Variants in TENM2 observed in about 807,000 individuals in gnomAD.
TENM2 encodes teneurin transmembrane protein 2, also known as teneurin-2.
A neutral mutation model predicts 245.2 loss-of-function variants in TENM2; 52 were observed. The observed-to-expected ratio is 0.21, with a 90% CI of 0.17 to 0.27. The LOEUF is 0.27. TENM2 is among the 10% of genes least tolerant of loss of function. The pLI is 1.00. For missense variants in TENM2, 3,046 were observed against 3,666.8 expected, an observed-to-expected ratio of 0.83 and a Z score of 4.37; for synonymous variants, 1,363 against 1,438.9, an observed-to-expected ratio of 0.95 and a Z score of 1.19.
intron 1 of TENM2, among the ~76,000 whole-genome samples, chr5:167,344,881 T>C (rs1758362918): frequency 1.3e-5 from 2 of 151,952 alleles, no homozygotes; most frequent in Admixed American, 1.3e-4. Flanking sequence ...TATCTGAAGG[T>C]GAAGGTGGGT....
At chr5:167,520,968 C>T (rs1408243888) in intron 2 of TENM2, among the ~76,000 whole-genome samples, 58 of 146,242 alleles carry the variant, frequency 4.0e-4, no homozygotes, top group Admixed American at 1.9e-3. Context: ...GTCATGTTTA[C>T]CACAAACTGC....
At chr5:167,666,981 C>T (rs546062757) in intron 2 of TENM2, among the ~76,000 whole-genome samples, 40 of 152,210 alleles carry the variant, frequency 2.6e-4, no homozygotes, top group Middle Eastern at 3.4e-3. Context: ...CTAGGACAAT[C>T]CTAGGCAAAC....
intron 12 of TENM2, among the ~76,000 whole-genome samples, chr5:168,132,033 C>G (rs1278589443): frequency 1.3e-5 from 2 of 151,890 alleles, no homozygotes; most frequent in African/African-American, 2.4e-5. Flanking sequence ...CCCCCACCAC[C>G]CCCCTATAAT....
chr5:167,945,559 G>A (rs935466335), intron 3 of TENM2, among the ~76,000 whole-genome samples: 11 of 152,134 alleles, frequency 7.2e-5, no homozygotes, highest in African/African-American at 2.4e-4. Context: ...TGTCCCTGCC[G>A]ACCCTAGTCC....
chr5:167,299,552 C>T (rs1278680888), intron 1 of TENM2, among the ~76,000 whole-genome samples: 6 of 152,136 alleles, frequency 3.9e-5, no homozygotes, highest in Admixed American at 3.9e-4. Flanking sequence ...AAGTTATTTC[C>T]TTGAGGATAG....
exon 29 of TENM2, chr5:168,262,260 A>G (rs748640087): frequency 3.1e-6 from 5 of 1,607,396 alleles, no homozygotes; most frequent in East Asian, 2.2e-5. Context: ...GCCAGCGAAG[A>G]TAGCCGCAAG....
intron 2 of TENM2, among the ~76,000 whole-genome samples, chr5:167,379,416 T>G (rs1051522938): frequency 4.6e-5 from 7 of 152,114 alleles, no homozygotes; most frequent in Non-Finnish European, 1.0e-4. Context: ...TGTCCTTAGA[T>G]TGTTACTGCC....
the TENM2 span, among the ~76,000 whole-genome samples, chr5:167,217,851 A>G: frequency 6.7e-6 from 1 of 150,024 alleles, no homozygotes; most frequent in Non-Finnish European, 1.5e-5. Flanking sequence ...GCCGACTATG[A>G]GACGAAACAG....
rs185190814 is a variant in TENM2 at position 168,010,761 on chromosome 5, T to G, written c.1186+17579T>G. Among the ~76,000 whole-genome samples, 10 of 152,382 alleles carry G rather than the reference T, an allele frequency of 6.6e-5. No homozygotes were observed. In the East Asian group the frequency reaches 1.9e-3, roughly 29 times the overall value. The stretch of plus-strand genomic sequence containing the variant: ...ACTCCTATTCTGCAGCTACGCTGAT[T>G]AGCAGATCTTTTATAGTTTCCGTGT... On this transcript the variant is annotated intron_variant, in intron 5 of 28. Transcript: ENST00000518659.
At chr5:167,583,116 G>A (rs1229703300) in intron 2 of TENM2, among the ~76,000 whole-genome samples, 1 of 152,286 alleles carries the variant, frequency 6.6e-6, no homozygotes, top group Non-Finnish European at 1.5e-5. Flanking sequence ...TAGTGGAGTT[G>A]TCCGTGACTC....
the TENM2 span, among the ~76,000 whole-genome samples, chr5:167,146,881 T>A: frequency 6.6e-6 from 1 of 152,178 alleles, no homozygotes; most frequent in African/African-American, 2.4e-5. Flanking sequence ...TTAAAAAAAA[T>A]GAAACAATCA....
At chr5:168,024,086 GAAGT>G (rs1386054866) in intron 5 of TENM2, among the ~76,000 whole-genome samples, 1 of 152,140 alleles carries the variant, frequency 6.6e-6, no homozygotes, top group African/African-American at 2.4e-5. Flanking sequence ...CCAAATTCAA[GAAGT>G]ATGTCTTATT....
At chr5:167,057,224 T>G in the TENM2 span, among the ~76,000 whole-genome samples, 2 of 152,176 alleles carry the variant, frequency 1.3e-5, no homozygotes, top group East Asian at 3.9e-4. Flanking sequence ...TTACATCATT[T>G]ATCTATTTTT....
chr5:168,065,120 T>G lies in TENM2; in HGVS notation c.1515+2855T>G, dbSNP rs566479525. 2.0e-5 allele frequency among the ~76,000 whole-genome samples: 3 copies of G among 152,114 alleles called. No homozygotes were observed. In the East Asian group the frequency reaches 5.8e-4, roughly 29 times the overall value. ...TCATTTGAGCTGGAAAAAGAGAAAG[T>G]GAAAGAGGTGGGGTGGGGGTAGAAT... On this transcript the variant is annotated intron_variant, in intron 7 of 28. Transcript: ENST00000518659.
At chr5:167,095,138 GC>G in the TENM2 span, among the ~76,000 whole-genome samples, 1 of 152,250 alleles carries the variant, frequency 6.6e-6, no homozygotes, top group East Asian at 1.9e-4. Flanking sequence ...CAATCACAGA[GC>G]TTACTTTTTA....
At chr5:167,256,533 G>C in the TENM2 span, among the ~76,000 whole-genome samples, 1 of 152,056 alleles carries the variant, frequency 6.6e-6, no homozygotes, top group South Asian at 2.1e-4. Flanking sequence ...AGATGTAATT[G>C]GGACTAAAAC....
At chr5:168,221,102 ACT>A (rs1170625921) in intron 23 of TENM2, among the ~76,000 whole-genome samples, 2 of 148,644 alleles carry the variant, frequency 1.3e-5, no homozygotes, top group Non-Finnish European at 3.0e-5. Context: ...ACAGAGCAAC[ACT>A]CTGTCTCAAA....
rs373704573 is a variant in TENM2 at position 167,312,185 on chromosome 5, CAT to C, written c.226+27125_226+27126del. 5.1e-4 allele frequency among the ~76,000 whole-genome samples: 78 copies of C among 152,240 alleles called. No individual in the cohort carries two copies. The East Asian group carries it at 0.012, about 24-fold the overall frequency. ...TATAAATCACATGTAACATATTACA[CAT>C]ATTAAACACAATAAAACATGTACTT... is the stretch of plus-strand genomic sequence containing the variant. On this transcript the variant is annotated intron_variant, in intron 1 of 28. Transcript: ENST00000518659.
intron 9 of TENM2, among the ~76,000 whole-genome samples, chr5:168,117,861 C>G (rs1795190935): frequency 6.6e-6 from 1 of 152,168 alleles, no homozygotes; most frequent in African/African-American, 2.4e-5. Context: ...ATAAGGACGT[C>G]AGTGTCGCTT....
Sources: allele counts gnomAD v4.1 joint callset (sites outside exome capture counted in the v4.1 genomes callset), GRCh38; gene constraint gnomAD v4.1.1; transcripts MANE v1.5; gene names NCBI Gene and HGNC (gene_info 2026-07-23, HGNC 2026-07-21).